Variants in INTS8 observed in about 807,000 individuals in gnomAD.
INTS8 encodes the protein protein kaonashi-1.
In INTS8, 47 loss-of-function variants were observed where a neutral mutation model predicts 138.9. The ratio of observed to expected loss-of-function variants is 0.34; its 90% confidence interval spans 0.27 to 0.43. INTS8 has a LOEUF of 0.43. INTS8 is among the 20% of genes least tolerant of loss of function. INTS8 has a pLI of 1.00. For missense variants in INTS8, 996 were observed against 1,173.0 expected (o/e 0.85, Z 2.20); for synonymous variants, 392 against 400.9 (o/e 0.98, Z 0.27).
chr8:94,881,476 G>A lies in INTS8; in HGVS notation c.*1242G>A. On this transcript the variant is annotated 3_prime_UTR_variant, in exon 27 of 27. Transcript: ENST00000523731. ...GAAATAATTAAATGTATTCTTTAGTGCCAATTGTAAGTTTTAAAATCAGAA... is the reference window on the plus strand; with the variant it reads ...GAAATAATTAAATGTATTCTTTAGTACCAATTGTAAGTTTTAAAATCAGAA... The A allele has an allele frequency of 1.5e-6, 1 of 650,114 alleles. No individual in the cohort carries two copies. 40.3% of individuals were successfully genotyped at this position (650,114 alleles called of 1,614,324 possible). A position where few individuals can be genotyped will look rare whatever the true frequency, so the allele number is the denominator to read the frequency against.
chr8:94,830,419 T>C (rs756257002), intron 5 of INTS8, among the ~76,000 whole-genome samples: 3 of 152,242 alleles, frequency 2.0e-5, no homozygotes, highest in Admixed American at 1.3e-4. Context: ...CATCATTTCA[T>C]TGTTGTTATC....
intron 2 of INTS8, 141 bp from the exon 3 acceptor site, chr8:94,827,122 A>T (rs2130991093): frequency 1.4e-6 from 1 of 726,286 alleles, no homozygotes. Flanking sequence ...AGAAAAAAAA[A>T]CTTTTTCACA....
chr8:94,823,350 G>A lies in INTS8; in HGVS notation c.-82G>A, dbSNP rs886663070. 3 of 1,506,812 alleles carry A rather than the reference G, an allele frequency of 2.0e-6. No homozygotes were observed. Among genetic ancestry groups the A allele is most frequent in the East Asian group, 2.5e-5 (1 of 40,596 alleles). 93.3% of individuals were successfully genotyped at this position (1,506,812 alleles called of 1,614,324 possible). ...GGTGGCCTCTCTCCCACCGGGTTCC[G>A]CATACCCCAGGCACCGGCCCGCATC... is the stretch of plus-strand genomic sequence containing the variant. On this transcript the variant is annotated 5_prime_UTR_variant, in exon 1 of 27. Coordinates refer to ENST00000523731, the MANE Select transcript of INTS8 (RefSeq NM_017864.4).
intron 20 of INTS8, 115 bp from the exon 21 acceptor site, chr8:94,871,769 A>G (rs1379541587): frequency 4.3e-6 from 3 of 690,242 alleles, no homozygotes; most frequent in Non-Finnish European, 7.7e-6. Flanking sequence ...AGTATTTAGC[A>G]TTATATTTAT....
chr8:94,831,715 C>T (rs1471726159), intron 5 of INTS8, among the ~76,000 whole-genome samples: 3 of 151,404 alleles, frequency 2.0e-5, no homozygotes, highest in South Asian at 2.1e-4. Context: ...CTCCTGATCT[C>T]GTGATCTGCC....
intron 18 of INTS8, chr8:94,866,438 A>C: frequency 2.2e-6 from 1 of 445,158 alleles, no homozygotes; most frequent in Non-Finnish European, 4.2e-6. Context: ...GACTACAGGC[A>C]CATGTAACCA....
chr8:94,876,094 CCT>C lies in INTS8; in HGVS notation c.2711_2712del (p.Leu904GlnfsTer4), dbSNP rs747234771. The C allele has an allele frequency of 6.2e-7, 1 of 1,608,636 alleles. No individual in the cohort carries two copies. The highest frequency in any genetic ancestry group is 8.5e-7 in the Non-Finnish European group (1 of 1,175,550). On this transcript the variant is annotated frameshift_variant, in exon 24 of 27. Coordinates refer to ENST00000523731, the MANE Select transcript of INTS8 (RefSeq NM_017864.4). LOFTEE classifies it high-confidence loss of function. ...TGTAGGTGGCCATTTTATGTCAGTT[CCT>C]CAGAGAAATTGACTACAAAACAGCG... ...HTQVAILCQF[L>X]REIDYKTAFK...
Position 94,823,375 on chromosome 8 carries a change from C to T in INTS8, c.-57C>T, listed in dbSNP as rs1347269759. ...GCATACCCCAGGCACCGGCCCGCAT[C>T]CAAGTGTCAGGTTGGAGCCGGGAAG... On this transcript the variant is annotated 5_prime_UTR_variant, in exon 1 of 27. Coordinates refer to ENST00000523731, the MANE Select transcript of INTS8 (RefSeq NM_017864.4). 8.6e-6 allele frequency: 13 copies of T among 1,504,990 alleles called. No homozygotes were observed. In the Admixed American group the frequency reaches 2.5e-4, roughly 29 times the overall value. 93.2% of individuals were successfully genotyped at this position (1,504,990 alleles called of 1,614,324 possible).
At chr8:94,880,049 A>C in intron 26 of INTS8, 69 bp from the exon 27 acceptor site, 1 of 1,016,200 alleles carries the variant, frequency 9.8e-7, no homozygotes, top group South Asian at 1.4e-5. Flanking sequence ...AGGTAGCTTT[A>C]TATTACTTGT....
At chr8:94,873,557 C>G in intron 22 of INTS8, 80 bp downstream of exon 22, 1 of 845,066 alleles carries the variant, frequency 1.2e-6, no homozygotes. Flanking sequence ...CTGAACTTAC[C>G]CATTTCCTTG....
At chr8:94,851,097 T>G (rs907781236) in intron 12 of INTS8, among the ~76,000 whole-genome samples, 1 of 152,234 alleles carries the variant, frequency 6.6e-6, no homozygotes, top group Non-Finnish European at 1.5e-5. Flanking sequence ...GGGATTTTGG[T>G]AATCATTTTT....
At chr8:94,867,234 G>GA in intron 19 of INTS8, 38 bp downstream of exon 19, 1 of 1,600,348 alleles carries the variant, frequency 6.2e-7, no homozygotes. Flanking sequence ...AAATTTAAAA[G>GA]AAATTTCTTT....
At position 94,856,781 on chromosome 8, in the gene INTS8, T is replaced by C. The variant is rs1306222438; in HGVS notation, c.1757T>C (p.Phe586Ser). The C allele has an allele frequency of 1.2e-6, 2 of 1,614,106 alleles. No individual in the cohort carries two copies. The highest frequency in any genetic ancestry group is 4.5e-5 in the East Asian group (2 of 44,878). ...CTATTCTTTTTCTTTTCATAGGACT[T>C]TTCCCATGCTAAACAGCTCTTTGCT... ...KGLHCSTVKD[F>S]SHAKQLFAAC... is the part of the protein sequence containing the mutation. The change falls in exon 15 of 27, where the codon TTT becomes TCT. Residue 586 changes from phenylalanine to serine, a missense_variant. By Grantham distance (155) the Phe-to-Ser change is radical (BLOSUM62 -2). Coordinates refer to ENST00000523731, the MANE Select transcript of INTS8 (RefSeq NM_017864.4).
At chr8:94,846,767 C>T (rs1038466084) in intron 10 of INTS8, among the ~76,000 whole-genome samples, 1 of 152,162 alleles carries the variant, frequency 6.6e-6, no homozygotes, top group Non-Finnish European at 1.5e-5. Context: ...CCCTTCTCTC[C>T]TTAGTTCACT....
chr8:94,838,397 A>G lies in INTS8; in HGVS notation c.862-66A>G, dbSNP rs528136403. On this transcript the variant is annotated intron_variant, in intron 7 of 26. Coordinates refer to ENST00000523731, the MANE Select transcript of INTS8 (RefSeq NM_017864.4). ...TTTCCTTGTACTGTTAAAACATGCT[A>G]AGGGGGTGCTAGACTATTGTTTATA... 31 of 1,328,024 alleles carry G rather than the reference A, an allele frequency of 2.3e-5. No homozygotes were observed. The South Asian group carries it at 4.0e-4, about 17-fold the overall frequency. 82.3% of individuals were successfully genotyped at this position (1,328,024 alleles called of 1,614,324 possible).
intron 7 of INTS8, 95 bp downstream of exon 7, chr8:94,836,726 A>G: frequency 1.4e-6 from 1 of 715,902 alleles, no homozygotes; most frequent in Non-Finnish European, 2.4e-6. Flanking sequence ...AAACGTGTTC[A>G]TTATTATAAA....
chr8:94,843,428 G>A (rs544734417), intron 10 of INTS8, among the ~76,000 whole-genome samples: 145 of 152,178 alleles, frequency 9.5e-4, no homozygotes, highest in African/African-American at 3.3e-3. Context: ...TTAGCCGAGC[G>A]TGCTGGCAAG....
At chr8:94,872,704 C>T (rs564920838) in intron 21 of INTS8, among the ~76,000 whole-genome samples, 2 of 152,286 alleles carry the variant, frequency 1.3e-5, no homozygotes, top group Admixed American at 6.5e-5. Context: ...ATAAGGTTTT[C>T]CCACTTGATA....
Position 94,881,641 on chromosome 8 carries a change from T to C in INTS8, c.*1407T>C. 2 of 1,613,290 alleles carry C rather than the reference T, an allele frequency of 1.2e-6. No homozygotes were observed. Among genetic ancestry groups the C allele is most frequent in the South Asian group, 1.1e-5 (1 of 91,024 alleles). On this transcript the variant is annotated 3_prime_UTR_variant, in exon 27 of 27. Coordinates refer to ENST00000523731, the MANE Select transcript of INTS8 (RefSeq NM_017864.4). ...TGCTTAGTTATCTTCTTTAGTGTTT[T>C]CCTGGTGGTTTTTCAGTGCTCTTCG... is the stretch of plus-strand genomic sequence containing the variant.
Sources: allele counts gnomAD v4.1 joint callset (sites outside exome capture counted in the v4.1 genomes callset), GRCh38; gene constraint gnomAD v4.1.1; transcripts MANE v1.5; gene names NCBI Gene and HGNC (gene_info 2026-07-23, HGNC 2026-07-21).